The following ZNF670 variants were observed in gnomAD, a reference collection of about 807,000 sequenced individuals.
The protein encoded by ZNF670 is zinc finger protein 670.
A neutral mutation model predicts 10.9 loss-of-function variants in ZNF670; 7 were observed. That is an observed-to-expected ratio of 0.64 (90% confidence interval 0.36 to 1.20). The LOEUF is 1.20. Ranked by LOEUF, ZNF670 falls within the 50% of genes most tolerant of loss-of-function variation. The pLI is 0.02. For missense variants in ZNF670, 446 were observed against 458.6 expected (o/e 0.97, Z 0.25); for synonymous variants, 136 against 152.7 (o/e 0.89, Z 0.81).
intron 1 of ZNF670, among the ~76,000 whole-genome samples, chr1:247,062,940 AC>A (rs201602199): frequency 0.011 from 1,718 of 152,308 alleles, 25 homozygotes; most frequent in South Asian, 0.035. Context: ...CAGTTCTGAA[AC>A]CCAGGACCAG....
intron 1 of ZNF670, 30 bp downstream of exon 1, chr1:247,078,564 C>T (rs755108164): frequency 7.4e-6 from 12 of 1,613,762 alleles, no homozygotes; most frequent in Non-Finnish European, 5.1e-6. Flanking sequence ...CCCTTTTCCC[C>T]TTCCCGAGAC....
At chr1:247,073,633 G>T (rs1671188263) in intron 1 of ZNF670, among the ~76,000 whole-genome samples, 1 of 152,156 alleles carries the variant, frequency 6.6e-6, no homozygotes, top group African/African-American at 2.4e-5. Context: ...TCCTTTTTCT[G>T]ATACCAAATG....
chr1:247,041,395 A>G (rs1670305487), intron 1 of ZNF670, among the ~76,000 whole-genome samples: 1 of 152,262 alleles, frequency 6.6e-6, no homozygotes, highest in African/African-American at 2.4e-5. Flanking sequence ...AAATAAGCAA[A>G]GCATACTTAA....
chr1:247,056,857 T>G (rs1183479292), intron 1 of ZNF670, among the ~76,000 whole-genome samples: 1 of 152,198 alleles, frequency 6.6e-6, no homozygotes, highest in East Asian at 1.9e-4. Flanking sequence ...CAAAATGGAT[T>G]AAAAACTTAA....
chr1:247,072,791 A>T (rs1671152925), intron 1 of ZNF670, among the ~76,000 whole-genome samples: 1 of 76,704 alleles, frequency 1.3e-5, no homozygotes, highest in Non-Finnish European at 2.6e-5. Context: ...CTGTCTCAAA[A>T]AAAAAAGTGT....
intron 1 of ZNF670, among the ~76,000 whole-genome samples, chr1:247,044,614 T>C (rs1188814126): frequency 6.6e-6 from 1 of 152,198 alleles, no homozygotes; most frequent in East Asian, 1.9e-4. Context: ...CACCATGGAA[T>C]ACTATGCAGC....
rs1558340407 is a variant in ZNF670 at position 247,051,254 on chromosome 1, C to CAA, written c.4-11719_4-11718dup. ...GGGCGACAGAGCGAGACTCCGTCTC[C>CAA]AAGAAAAAAAAAAACAAAAAAAAAA... On this transcript the variant is annotated intron_variant, in intron 1 of 3. Coordinates refer to ENST00000366503, the MANE Select transcript of ZNF670 (RefSeq NM_033213.5). Among the ~76,000 whole-genome samples, 936 of 131,802 alleles carry CAA rather than the reference C, an allele frequency of 7.1e-3. 12 individuals are homozygous for CAA. Among genetic ancestry groups the CAA allele is most frequent in the African/African-American group, 0.026 (849 of 32,670 alleles). The allele number at this position is 131,802 out of a possible 152,430, so 86.5% of individuals were successfully genotyped here. A position where few individuals can be genotyped will look rare whatever the true frequency, so the allele number is the denominator to read the frequency against.
intron 1 of ZNF670, among the ~76,000 whole-genome samples, chr1:247,053,432 G>A (rs561534910): frequency 8.5e-5 from 13 of 152,246 alleles, no homozygotes; most frequent in African/African-American, 2.6e-4. Flanking sequence ...GGAGATAAGA[G>A]ACCATCCTGG....
chr1:247,043,793 G>A (rs1183491370), intron 1 of ZNF670: 11 of 368,310 alleles, frequency 3.0e-5, no homozygotes, highest in East Asian at 1.4e-4. Context: ...AAACTGGATC[G>A]GTTTGATCCA....
At chr1:247,047,748 A>T (rs1171424035) in intron 1 of ZNF670, among the ~76,000 whole-genome samples, 1 of 152,194 alleles carries the variant, frequency 6.6e-6, no homozygotes, top group African/African-American at 2.4e-5. Flanking sequence ...CAGGCCCAAC[A>T]CCAAGTAAAG....
chr1:247,071,300 A>T (rs1332585119), intron 1 of ZNF670, among the ~76,000 whole-genome samples: 1 of 152,260 alleles, frequency 6.6e-6, no homozygotes, highest in African/African-American at 2.4e-5. Flanking sequence ...CATAGAAAAA[A>T]GCAAAATCAC....
intron 1 of ZNF670, among the ~76,000 whole-genome samples, chr1:247,068,469 A>AC (rs1239015962): frequency 1.3e-5 from 2 of 150,694 alleles, no homozygotes; most frequent in Non-Finnish European, 2.9e-5. Context: ...ATATCATCTC[A>AC]CCCCAGTTAA....
chr1:247,066,753 C>T (rs1670988659), intron 1 of ZNF670, among the ~76,000 whole-genome samples: 1 of 152,168 alleles, frequency 6.6e-6, no homozygotes, highest in Admixed American at 6.5e-5. Context: ...TCAACACAGA[C>T]CTTAAGTTCT....
chr1:247,051,342 T>G (rs550671724), intron 1 of ZNF670, among the ~76,000 whole-genome samples: 1 of 152,322 alleles, frequency 6.6e-6, no homozygotes, highest in South Asian at 2.1e-4. Flanking sequence ...TTTGCTTGTC[T>G]GAAAATAATT....
Position 247,038,125 on chromosome 1 carries a change from C to A in ZNF670, c.494G>T (p.Ser165Ile). The change falls in exon 4 of 4, where the codon AGT becomes ATT. Residue 165 changes from serine (S) to isoleucine (I), a missense_variant. Physicochemically the swap from Ser to Ile is moderately radical, Grantham distance 142. Transcript: ENST00000366503. The stretch of plus-strand genomic sequence containing the variant: ...CACTGGACCCTTATAAGGCCCATTA[C>A]TAGTGTGTGTTACCATGTGTCTGTC... ...SVDRHMVTHT[S>I]NGPYKGPVYE... 1 of 1,614,150 alleles carries A rather than the reference C, an allele frequency of 6.2e-7. No homozygotes were observed. The highest frequency in any genetic ancestry group is 8.5e-7 in the Non-Finnish European group (1 of 1,180,006).
chr1:247,068,848 AAG>A (rs1572571862), intron 1 of ZNF670, among the ~76,000 whole-genome samples: 4 of 150,166 alleles, frequency 2.7e-5, no homozygotes, highest in Admixed American at 6.6e-5. Flanking sequence ...AAAAAAAAAA[AAG>A]AATGAGATCC....
chr1:247,056,853 G>C (rs1048973986), intron 1 of ZNF670, among the ~76,000 whole-genome samples: 4 of 152,086 alleles, frequency 2.6e-5, no homozygotes, highest in Admixed American at 2.6e-4. Context: ...AAATCAAAAT[G>C]GATTAAAAAC....
chr1:247,055,347 G>A (rs1670690980), intron 1 of ZNF670, among the ~76,000 whole-genome samples: 2 of 152,198 alleles, frequency 1.3e-5, no homozygotes, highest in Non-Finnish European at 2.9e-5. Flanking sequence ...CCCAGGACAA[G>A]CTCTCACTTC....
chr1:247,061,758 T>C (rs1329151822), intron 1 of ZNF670, among the ~76,000 whole-genome samples: 1 of 152,134 alleles, frequency 6.6e-6, no homozygotes, highest in Non-Finnish European at 1.5e-5. Flanking sequence ...TGTCTGATAA[T>C]AGCAAAGATA....
Sources: allele counts gnomAD v4.1 joint callset (sites outside exome capture counted in the v4.1 genomes callset), GRCh38; gene constraint gnomAD v4.1.1; transcripts MANE v1.5; gene names NCBI Gene and HGNC (gene_info 2026-07-23, HGNC 2026-07-21).